The following TMC5 variants were observed in gnomAD, a reference collection of about 807,000 sequenced individuals.
TMC5 encodes transmembrane channel-like protein 5.
In TMC5, 86 loss-of-function variants were observed where a neutral mutation model predicts 110.5. The ratio of observed to expected loss-of-function variants is 0.78; its 90% CI spans 0.65 to 0.93. The LOEUF is 0.93. TMC5 is among the 40% of genes least tolerant of loss of function. The pLI is 0.00. For synonymous variants in TMC5, 455 were observed against 439.5 expected (o/e 1.04, Z -0.44); for missense variants, 1,144 against 1,222.8 (o/e 0.94, Z 0.96).
chr16:19,418,840 G>C (rs909481623), intron 1 of TMC5, among the ~76,000 whole-genome samples: 3 of 150,700 alleles, frequency 2.0e-5, no homozygotes, highest in African/African-American at 7.3e-5. Context: ...CAATCCTCCT[G>C]CTTCAGCCTT....
At position 19,466,147 on chromosome 16, in the gene TMC5, C is replaced by A; in HGVS notation, c.1551C>A (p.Asn517Lys). ...FYTNSTIQHG[N>K]SGASYNMQLA... Reference sequence around the variant, plus strand: ...CCAATTCCACCATCCAGCACGGGAACAGCGGGGCATCCTACAACATGCAGC... The same window carrying A: ...CCAATTCCACCATCCAGCACGGGAAAAGCGGGGCATCCTACAACATGCAGC... The change falls in exon 9 of 22, where the codon AAC becomes AAA. Residue 517 changes from asparagine to lysine, a missense_variant. Asn to Lys is a moderately conservative substitution (Grantham distance 94). Transcript: ENST00000542583. 1 of 1,614,126 alleles carries A rather than the reference C, an allele frequency of 6.2e-7. No homozygotes were observed. The highest frequency in any genetic ancestry group is 8.5e-7 in the Non-Finnish European group (1 of 1,180,028).
upstream of TMC5, among the ~76,000 whole-genome samples, chr16:19,414,501 A>C (rs1220841480): frequency 2.0e-5 from 3 of 152,100 alleles, no homozygotes; most frequent in Admixed American, 2.0e-4. Flanking sequence ...AATACAGATT[A>C]TTTTTACTTA....
chr16:19,479,118 G>A (rs1212231058), intron 13 of TMC5, among the ~76,000 whole-genome samples: 1 of 152,196 alleles, frequency 6.6e-6, no homozygotes, highest in Non-Finnish European at 1.5e-5. Flanking sequence ...ACCCTTGGCT[G>A]AGAAATGGGA....
In TMC5 at chr16:19,449,632, G is replaced by C; in HGVS notation, c.1048+1G>C. 6.2e-7 allele frequency: 1 copy of C among 1,613,956 alleles called. No individual in the cohort carries two copies. Among genetic ancestry groups the C allele is most frequent in the Non-Finnish European group, 8.5e-7 (1 of 1,179,902 alleles). On this transcript the variant is annotated splice_donor_variant, in intron 5 of 21. Transcript: ENST00000542583. LOFTEE classifies it high-confidence loss of function. ...TGTGATTGGCACAAGTCACCCCAAG[G>C]TAAGTGATATGGTTTGGCTCTGTGT...
intron 4 of TMC5, among the ~76,000 whole-genome samples, chr16:19,447,066 T>C (rs1013137610): frequency 2.0e-5 from 3 of 152,144 alleles, no homozygotes; most frequent in African/African-American, 7.2e-5. Flanking sequence ...CAGCTAGCTA[T>C]TGCCACAGGA....
chr16:19,443,098 C>T (rs996949605), intron 3 of TMC5, among the ~76,000 whole-genome samples: 1 of 152,196 alleles, frequency 6.6e-6, no homozygotes, highest in African/African-American at 2.4e-5. Flanking sequence ...TGCCCCCTGC[C>T]TTGACCTTAT....
At position 19,486,935 on chromosome 16, in the gene TMC5, T is replaced by A; in HGVS notation, c.2364-10T>A. 3 of 1,613,396 alleles carry A rather than the reference T, an allele frequency of 1.9e-6. No individual in the cohort carries two copies. Among genetic ancestry groups the A allele is most frequent in the Non-Finnish European group, 2.5e-6 (3 of 1,179,474 alleles). On this transcript the variant is annotated splice_polypyrimidine_tract_variant and intron_variant, in intron 15 of 21. Coordinates refer to ENST00000542583, the MANE Select transcript of TMC5 (RefSeq NM_001261841.2). The stretch of plus-strand genomic sequence containing the variant: ...GCCAGCCTCTGACACTCACCCTCTC[T>A]CCCTCACAGGATTGGCATCTTCTTC...
intron 15 of TMC5, among the ~76,000 whole-genome samples, chr16:19,483,269 T>C (rs1183376480): frequency 6.6e-6 from 1 of 152,204 alleles, no homozygotes. Context: ...GCAATCTTCC[T>C]GCCTTACTTT....
chr16:19,427,917 C>T (rs753793605), intron 1 of TMC5, among the ~76,000 whole-genome samples: 1 of 152,178 alleles, frequency 6.6e-6, no homozygotes, highest in Non-Finnish European at 1.5e-5. Context: ...AACATCAGCC[C>T]CTGAATGCAA....
upstream of TMC5, among the ~76,000 whole-genome samples, chr16:19,417,350 C>T (rs987824715): frequency 1.1e-4 from 15 of 137,966 alleles, no homozygotes; most frequent in Admixed American, 8.8e-4. Context: ...GTCCAGGAGG[C>T]GGAGGTTGCA....
chr16:19,490,499 G>A lies in TMC5; in HGVS notation c.2678G>A (p.Trp893Ter). ...CTAAGTACACGGCCTGGCTACCTGT[G>A]GGTTGTTTGGATCTATCGGAACCTC... The part of the protein sequence containing the change: ...DTLSTRPGYL[W>*]VVWIYRNLIG... The change falls in exon 18 of 22, where the codon TGG becomes TAG. Residue 893 changes from tryptophan (W) to a stop codon, truncating the protein, a stop_gained. Transcript: ENST00000542583. LOFTEE classifies it high-confidence loss of function. 1 of 1,614,066 alleles carries A rather than the reference G, an allele frequency of 6.2e-7. No homozygotes were observed. The highest frequency in any genetic ancestry group is 1.7e-5 in the Admixed American group (1 of 60,000).
intron 5 of TMC5, among the ~76,000 whole-genome samples, chr16:19,454,222 A>G (rs1967815364): frequency 6.6e-6 from 1 of 151,894 alleles, no homozygotes; most frequent in Non-Finnish European, 1.5e-5. Context: ...TAATTTTTGT[A>G]TTTTCAGTAG....
rs576584001 is a variant in TMC5 at position 19,423,096 on chromosome 16, C to T, written c.-308+5004C>T. ...CTGTGGTTGCACCGCTGCACTTACC[C>T]CTTCTCCTTTCTCTTCCTTCTCCCA... On this transcript the variant is annotated intron_variant, in intron 1 of 21. Coordinates refer to ENST00000542583, the MANE Select transcript of TMC5 (RefSeq NM_001261841.2). Among the ~76,000 whole-genome samples, 4 of 152,274 alleles carry T rather than the reference C, an allele frequency of 2.6e-5. No individual in the cohort carries two copies. The East Asian group carries it at 7.7e-4, about 29-fold the overall frequency.
chr16:19,460,085 T>G, intron 5 of TMC5, 150 bp from the exon 6 acceptor site: 1 of 522,186 alleles, frequency 1.9e-6, no homozygotes, highest in Non-Finnish European at 3.4e-6. Context: ...ATATATGTGT[T>G]TTTTTTGTTG....
Position 19,487,205 on chromosome 16 carries a change from A to G in TMC5, c.2452A>G (p.Met818Val). 6.2e-7 allele frequency: 1 copy of G among 1,612,976 alleles called. No individual in the cohort carries two copies. The highest frequency in any genetic ancestry group is 1.3e-5 in the African/African-American group (1 of 75,044). Residue 818 changes from methionine to valine, a missense_variant, in exon 17 of 22, where the codon ATG becomes GTG. By Grantham distance (21) the Met-to-Val change is conservative. Transcript: ENST00000542583. Reference sequence around the variant, plus strand: ...TCTCTCTCTTCAGATCAGCCTGATGATGAATTTCCAGCCTCCGAGCAAAGC... The same window carrying G: ...TCTCTCTCTTCAGATCAGCCTGATGGTGAATTTCCAGCCTCCGAGCAAAGC... ...MFYSKNISLM[M>V]NFQPPSKAWR...
Position 19,466,204 on chromosome 16 carries a change from GACC to G in TMC5, c.1612_1614del (p.Thr538del), listed in dbSNP as rs749821477. 2.5e-6 allele frequency: 4 copies of G among 1,613,924 alleles called. No homozygotes were observed. Among genetic ancestry groups the G allele is most frequent in the Non-Finnish European group, 3.4e-6 (4 of 1,180,024 alleles). ...ACATCTTCACAATCGGAGCATGCTT[GACC>G]ACCTGCTTCTTCAGTTTGCTGTTCA... On this transcript the variant is annotated inframe_deletion, in exon 9 of 22. Transcript: ENST00000542583.
chr16:19,469,373 C>A (rs1968267527), intron 9 of TMC5, among the ~76,000 whole-genome samples: 1 of 150,090 alleles, frequency 6.7e-6, no homozygotes, highest in South Asian at 2.1e-4. Flanking sequence ...AAAAAAAATT[C>A]TGTGAGGTGA....
upstream of TMC5, among the ~76,000 whole-genome samples, chr16:19,416,358 G>A (rs1327154563): frequency 6.6e-6 from 1 of 152,114 alleles, no homozygotes; most frequent in African/African-American, 2.4e-5. Flanking sequence ...ATTTGATCCA[G>A]CCCTCAATTG....
chr16:19,465,044 TTTC>T (rs1968135606), intron 8 of TMC5, among the ~76,000 whole-genome samples: 6 of 102,660 alleles, frequency 5.8e-5, no homozygotes, highest in African/African-American at 3.0e-4. Flanking sequence ...TCTTTCTTTC[TTTC>T]TTTCTTTCTT....
Sources: gnomAD v4.1 joint callset for allele counts (sites outside exome capture counted in the v4.1 genomes callset) on GRCh38, gnomAD v4.1.1 for gene constraint, MANE v1.5 for transcripts, NCBI Gene and HGNC (gene_info 2026-07-23, HGNC 2026-07-21) for gene names.